GPAT4: variants seen among roughly 807,000 people sequenced by gnomAD.
GPAT4 encodes the protein glycerol-3-phosphate acyltransferase 4.
GPAT4 carries 17 observed loss-of-function variants against 58.0 expected under a neutral mutation model. The observed-to-expected ratio is 0.29, with a 90% CI of 0.20 to 0.44. GPAT4 has a LOEUF of 0.44. Ranked by LOEUF, GPAT4 falls within the 20% of genes least tolerant of loss-of-function variation. The pLI is 1.00. For missense variants in GPAT4, 377 were observed against 574.5 expected (o/e 0.66, Z 3.51); for synonymous variants, 204 against 210.1 (o/e 0.97, Z 0.25).
At chr8:41,592,012 T>G (rs1420948327) in intron 1 of GPAT4, among the ~76,000 whole-genome samples, 1 of 152,228 alleles carries the variant, frequency 6.6e-6, no homozygotes, top group African/African-American at 2.4e-5. Context: ...TAAATGGCAG[T>G]CCAGTATCCC....
chr8:41,610,897 A>G, intron 5 of GPAT4, 87 bp downstream of exon 5: 1 of 1,350,316 alleles, frequency 7.4e-7, no homozygotes, highest in South Asian at 1.5e-5. Flanking sequence ...ACTTCTTTGG[A>G]CACAACCAAA....
At chr8:41,619,001 C>T in intron 12 of GPAT4, 24 bp downstream of exon 12, 1 of 1,613,530 alleles carries the variant, frequency 6.2e-7, no homozygotes, top group South Asian at 1.1e-5. Context: ...CAGGCCTTTT[C>T]AGCTGAGTTT....
chr8:41,607,534 C>A (rs576528827), intron 2 of GPAT4, among the ~76,000 whole-genome samples: 51 of 149,388 alleles, frequency 3.4e-4, no homozygotes, highest in African/African-American at 1.3e-3. Context: ...AATCAAGTTT[C>A]TCTCTCTTTT....
chr8:41,589,018 G>A (rs1359980053), intron 1 of GPAT4, among the ~76,000 whole-genome samples: 1 of 152,186 alleles, frequency 6.6e-6, no homozygotes, highest in East Asian at 1.9e-4. Flanking sequence ...TTCTTAAGGG[G>A]TCATGCTTAT....
Position 41,600,915 on chromosome 8 carries a change from T to G in GPAT4, c.165+1611T>G, listed in dbSNP as rs9643884. ...ACATTTTCAAGGTTCATCAGCATCG[T>G]AGCACGTGTCACTACTTCTCTTCTG... On this transcript the variant is annotated intron_variant, in intron 2 of 12. Transcript: ENST00000396987. 2.0e-3 allele frequency among the ~76,000 whole-genome samples: 307 copies of G among 152,256 alleles called. 8 individuals carry two copies. In the East Asian group the frequency reaches 0.049, roughly 24 times the overall value.
At chr8:41,591,222 T>A (rs1023958997) in intron 1 of GPAT4, among the ~76,000 whole-genome samples, 15 of 152,268 alleles carry the variant, frequency 9.9e-5, no homozygotes, top group African/African-American at 3.4e-4. Context: ...CCATATAATG[T>A]CTGAAATCTA....
At chr8:41,603,478 A>AT (rs1281356945) in intron 2 of GPAT4, among the ~76,000 whole-genome samples, 4 of 149,258 alleles carry the variant, frequency 2.7e-5, no homozygotes, top group Non-Finnish European at 5.9e-5. Context: ...GTGTACGGAG[A>AT]TCCCGCCACT....
chr8:41,603,549 A>T (rs1406281679), intron 2 of GPAT4, among the ~76,000 whole-genome samples: 1 of 150,344 alleles, frequency 6.7e-6, no homozygotes, highest in Admixed American at 6.6e-5. Flanking sequence ...AAAAAAAAGT[A>T]ATTTTGGGCC....
Position 41,585,563 on chromosome 8 carries a change from T to G in GPAT4, c.-849+7285T>G, listed in dbSNP as rs377264430. On this transcript the variant is annotated intron_variant, in intron 1 of 12. Transcript: ENST00000396987. ...GTAGAAGCTTCTATTTATAGAGGAT[T>G]TTGTGCCAAGCACTACACTGATAGC... is the stretch of plus-strand genomic sequence containing the variant. 7.2e-4 allele frequency among the ~76,000 whole-genome samples: 109 copies of G among 152,340 alleles called. 1 individual carries two copies. In the South Asian group the frequency reaches 0.017, roughly 23 times the overall value.
chr8:41,595,567 A>C (rs777652202), intron 1 of GPAT4, among the ~76,000 whole-genome samples: 2 of 152,074 alleles, frequency 1.3e-5, no homozygotes, highest in Non-Finnish European at 1.5e-5. Flanking sequence ...TTACACTTAC[A>C]ACAAGGTGGT....
intron 4 of GPAT4, chr8:41,610,484 C>G: frequency 7.4e-7 from 1 of 1,345,790 alleles, no homozygotes; most frequent in Admixed American, 3.3e-5. Flanking sequence ...GTTTTCCAGC[C>G]TTCCAGCTGC....
rs1372640280 is a variant in GPAT4 at position 41,618,990 on chromosome 8, C to T, written c.1262+13C>T. ...TGGACCTGCTGTGGTAAGTTTAGAG[C>T]CAGGCCTTTTCAGCTGAGTTTCTGC... On this transcript the variant is annotated intron_variant, in intron 12 of 12. Coordinates refer to ENST00000396987, the MANE Select transcript of GPAT4 (RefSeq NM_178819.4). 6.2e-7 allele frequency: 1 copy of T among 1,614,118 alleles called. No homozygotes were observed. Among genetic ancestry groups the T allele is most frequent in the African/African-American group, 1.3e-5 (1 of 75,048 alleles).
chr8:41,589,086 GT>G (rs1438924270), intron 1 of GPAT4, among the ~76,000 whole-genome samples: 40 of 152,290 alleles, frequency 2.6e-4, no homozygotes, highest in Non-Finnish European at 2.9e-5. Flanking sequence ...AGAAATTGTG[GT>G]TTGATTGAGT....
intron 10 of GPAT4, among the ~76,000 whole-genome samples, chr8:41,617,806 G>T (rs1347819887): frequency 2.0e-5 from 3 of 152,174 alleles, no homozygotes; most frequent in Admixed American, 6.5e-5. Context: ...TTTGCACAAG[G>T]TCAGCCTACT....
chr8:41,584,225 A>G (rs764748882), intron 1 of GPAT4, among the ~76,000 whole-genome samples: 19 of 152,122 alleles, frequency 1.2e-4, no homozygotes, highest in Non-Finnish European at 4.4e-5. Context: ...AAAAGACTGT[A>G]TTGGTGAAGA....
intron 2 of GPAT4, among the ~76,000 whole-genome samples, chr8:41,606,856 G>A (rs765534534): frequency 2.2e-4 from 33 of 152,136 alleles, no homozygotes; most frequent in Admixed American, 1.4e-3. Context: ...CTTTAAAGGC[G>A]TCTGACTCTC....
chr8:41,580,264 C>T (rs536112383), intron 1 of GPAT4, among the ~76,000 whole-genome samples: 26 of 152,270 alleles, frequency 1.7e-4, no homozygotes, highest in Admixed American at 9.1e-4. Context: ...AGAAGAAGAA[C>T]AAGCTATAAA....
rs1164986202 is a variant in GPAT4 at position 41,621,240 on chromosome 8, GTT to G, written c.*241_*242del. On this transcript the variant is annotated 3_prime_UTR_variant, in exon 13 of 13. Transcript: ENST00000396987. ...GTTGCGACCCAGGACGAGATGCCTTGTTTCTTTTACAATAAGTCGTTGGAGGA... is the reference window on the plus strand; with the variant it reads ...GTTGCGACCCAGGACGAGATGCCTTGTCTTTTACAATAAGTCGTTGGAGGA... 3 of 559,836 alleles carry G rather than the reference GTT, an allele frequency of 5.4e-6. No individual in the cohort carries two copies. In the African/African-American group the frequency reaches 5.6e-5, roughly 11 times the overall value. 34.7% of individuals were successfully genotyped at this position (559,836 alleles called of 1,614,324 possible).
chr8:41,599,409 A>C, intron 2 of GPAT4, 105 bp downstream of exon 2: 1 of 1,350,510 alleles, frequency 7.4e-7, no homozygotes, highest in East Asian at 2.4e-5. Flanking sequence ...GATAGGGAGA[A>C]AGTTGGGAGA....
Sources: allele counts gnomAD v4.1 joint callset (sites outside exome capture counted in the v4.1 genomes callset), GRCh38; gene constraint gnomAD v4.1.1; transcripts MANE v1.5; gene names NCBI Gene and HGNC (gene_info 2026-07-23, HGNC 2026-07-21).